Variants in RAD51B observed in about 807,000 individuals in gnomAD.
The protein encoded by RAD51B is DNA repair protein RAD51 homolog 2.
Under a neutral mutation model 42.2 loss-of-function variants are expected in RAD51B, and 38 were observed. That is an observed-to-expected ratio of 0.90 (90% CI 0.70 to 1.18). The LOEUF is 1.18. Ranked by LOEUF, RAD51B falls within the 50% of genes most tolerant of loss-of-function variation. The pLI is 0.00. For missense variants in RAD51B, 373 were observed against 400.7 expected (o/e 0.93, Z 0.59); for synonymous variants, 154 against 145.2 (o/e 1.06, Z -0.43).
intron 8 of RAD51B, among the ~76,000 whole-genome samples, chr14:68,385,993 C>A (rs1233024054): frequency 2.0e-5 from 3 of 152,206 alleles, no homozygotes; most frequent in Non-Finnish European, 2.9e-5. Flanking sequence ...CGAGTCTGTG[C>A]TCTTAGCCAC....
chr14:68,345,983 G>T (rs2139853058), intron 8 of RAD51B, among the ~76,000 whole-genome samples: 1 of 152,336 alleles, frequency 6.6e-6, no homozygotes, highest in Admixed American at 6.5e-5. Flanking sequence ...TGCAAGAACA[G>T]ACTAACACAA....
rs66660865 is a variant in RAD51B at position 67,856,843 on chromosome 14, C to CT, written c.316-8147dup. ...ATATTTGAGTGATATTCACTACTGACTTTTTTTTTTTTTAGTTCTTTTACA... is the reference window on the plus strand; with the variant it reads ...ATATTTGAGTGATATTCACTACTGACTTTTTTTTTTTTTTAGTTCTTTTACA... On this transcript the variant is annotated intron_variant, in intron 4 of 10. Transcript: ENST00000471583. Among the ~76,000 whole-genome samples the CT allele has an allele frequency of 4.1e-4, 61 of 147,538 alleles. 1 individual carries two copies. In the Middle Eastern group the frequency reaches 0.017, roughly 42 times the overall value.
intron 7 of RAD51B, among the ~76,000 whole-genome samples, chr14:68,290,463 T>C (rs1051389573): frequency 6.6e-6 from 1 of 152,254 alleles, no homozygotes; most frequent in Non-Finnish European, 1.5e-5. Flanking sequence ...TTTTTAGGAA[T>C]AGTTTCTTGA....
At chr14:68,312,807 A>G (rs1013331632) in intron 8 of RAD51B, among the ~76,000 whole-genome samples, 4 of 152,230 alleles carry the variant, frequency 2.6e-5, no homozygotes, top group African/African-American at 4.8e-5. Context: ...GTTAGTATTG[A>G]AAATAGCAGG....
At chr14:68,246,733 G>A (rs1236458996) in intron 7 of RAD51B, among the ~76,000 whole-genome samples, 1 of 152,152 alleles carries the variant, frequency 6.6e-6, no homozygotes, top group Non-Finnish European at 1.5e-5. Flanking sequence ...AGGAAATCTG[G>A]ATAAATAGAG....
chr14:68,157,556 A>G (rs1432596075), intron 7 of RAD51B, among the ~76,000 whole-genome samples: 1 of 152,220 alleles, frequency 6.6e-6, no homozygotes, highest in Non-Finnish European at 1.5e-5. Context: ...CCTGCAGTAT[A>G]TCAGCCTTGT....
At chr14:68,507,024 TAG>T (rs1885377261) in intron 10 of RAD51B, among the ~76,000 whole-genome samples, 2 of 151,974 alleles carry the variant, frequency 1.3e-5, no homozygotes, top group Non-Finnish European at 2.9e-5. Flanking sequence ...ATGTGCTTGG[TAG>T]CAAAAGCTCT....
intron 8 of RAD51B, among the ~76,000 whole-genome samples, chr14:68,301,471 C>A (rs923867407): frequency 2.0e-5 from 3 of 150,804 alleles, no homozygotes; most frequent in Admixed American, 6.6e-5. Flanking sequence ...CCTTCAGGGA[C>A]AAAACTAGAA....
At chr14:68,497,821 T>C (rs1167407220) in intron 10 of RAD51B, 1 of 216,818 alleles carries the variant, frequency 4.6e-6, no homozygotes, top group African/African-American at 2.3e-5. Context: ...GTCTCCTCCA[T>C]GGTGTAGCGT....
intron 5 of RAD51B, among the ~76,000 whole-genome samples, chr14:67,871,740 T>C (rs1215747043): frequency 2.0e-5 from 3 of 152,198 alleles, no homozygotes; most frequent in South Asian, 4.1e-4. Flanking sequence ...TTATCCACCA[T>C]GATCAAGTGG....
At chr14:68,101,309 C>T (rs1014841933) in intron 7 of RAD51B, among the ~76,000 whole-genome samples, 2 of 152,132 alleles carry the variant, frequency 1.3e-5, no homozygotes, top group Middle Eastern at 3.2e-3. Flanking sequence ...CATGCCATTC[C>T]AAAAGTCTGG....
intron 7 of RAD51B, among the ~76,000 whole-genome samples, chr14:68,138,879 T>G (rs1038875145): frequency 7.2e-5 from 11 of 152,180 alleles, no homozygotes; most frequent in Non-Finnish European, 1.5e-4. Context: ...AATGGTTCTT[T>G]TAGTATTTTT....
intron 8 of RAD51B, among the ~76,000 whole-genome samples, chr14:68,403,054 T>A (rs1240282336): frequency 1.3e-5 from 2 of 152,244 alleles, no homozygotes; most frequent in African/African-American, 4.8e-5. Flanking sequence ...CTTCAGGACG[T>A]GAGGACAAGA....
intron 11 of RAD51B, among the ~76,000 whole-genome samples, chr14:68,674,372 C>G (rs1330275255): frequency 2.0e-5 from 3 of 151,958 alleles, no homozygotes; most frequent in African/African-American, 4.8e-5. Flanking sequence ...TGTGTTCCTT[C>G]CAGAATTTTT....
chr14:67,987,975 C>T (rs2075223840), intron 7 of RAD51B, among the ~76,000 whole-genome samples: 1 of 152,116 alleles, frequency 6.6e-6, no homozygotes. Flanking sequence ...TTGAATTGCT[C>T]AGGTAGTGTT....
chr14:67,994,306 G>C (rs1180577895), intron 7 of RAD51B, among the ~76,000 whole-genome samples: 1 of 151,806 alleles, frequency 6.6e-6, no homozygotes, highest in African/African-American at 2.4e-5. Flanking sequence ...ATCATTGCTA[G>C]GTAGGCAAGA....
chr14:68,311,516 C>T (rs567968748), intron 8 of RAD51B, among the ~76,000 whole-genome samples: 3 of 152,272 alleles, frequency 2.0e-5, no homozygotes, highest in Non-Finnish European at 4.4e-5. Context: ...TATTATCATA[C>T]TTAAAACAGC....
intron 10 of RAD51B, among the ~76,000 whole-genome samples, chr14:68,578,426 A>G (rs1333911525): frequency 6.6e-6 from 1 of 152,196 alleles, no homozygotes. Context: ...AAACAAAAAC[A>G]AAAAAAGGAG....
intron 7 of RAD51B, among the ~76,000 whole-genome samples, chr14:68,231,866 A>C (rs951223377): frequency 2.6e-5 from 4 of 152,220 alleles, no homozygotes; most frequent in Non-Finnish European, 4.4e-5. Context: ...ATCATCAGGC[A>C]TGAGAATATC....
Sources: allele counts gnomAD v4.1 joint callset (sites outside exome capture counted in the v4.1 genomes callset), GRCh38; gene constraint gnomAD v4.1.1; transcripts MANE v1.5; gene names NCBI Gene and HGNC (gene_info 2026-07-23, HGNC 2026-07-21).